SMARCA2: variants seen among roughly 807,000 people sequenced by gnomAD.
SMARCA2 encodes SWI/SNF-related matrix-associated actin-dependent regulator of chromatin subfamily A member 2.
A neutral mutation model predicts 199.8 loss-of-function variants in SMARCA2; 61 were observed. The ratio of observed to expected loss-of-function variants is 0.31; its 90% CI spans 0.25 to 0.38. The LOEUF is 0.38. SMARCA2 is among the 10% of genes least tolerant of loss of function. The probability of loss-of-function intolerance (pLI) is 1.00; values close to 1 mark genes in which losing one functional copy is unlikely to be tolerated. For synonymous variants in SMARCA2, 935 were observed against 732.0 expected, an observed-to-expected ratio of 1.28 and a Z score of -4.48; for missense variants, 1,344 against 2,012.2, an observed-to-expected ratio of 0.67 and a Z score of 6.35.
At chr9:2,059,091 A>G (rs1408973275) in intron 8 of SMARCA2, among the ~76,000 whole-genome samples, 1 of 152,184 alleles carries the variant, frequency 6.6e-6, no homozygotes, top group Non-Finnish European at 1.5e-5. Flanking sequence ...GGTTTATATC[A>G]TTGGCCTGAG....
At chr9:2,076,786 A>C (rs1053610387) in intron 13 of SMARCA2, among the ~76,000 whole-genome samples, 1 of 151,904 alleles carries the variant, frequency 6.6e-6, no homozygotes, top group East Asian at 1.9e-4. Flanking sequence ...AGCCAAGTTG[A>C]CCACCAACTC....
intron 27 of SMARCA2, among the ~76,000 whole-genome samples, chr9:2,139,212 G>A (rs892149881): frequency 6.6e-6 from 1 of 152,218 alleles, no homozygotes; most frequent in African/African-American, 2.4e-5. Flanking sequence ...TTGCGGTAAA[G>A]AAAGAGTTTA....
intron 9 of SMARCA2, among the ~76,000 whole-genome samples, chr9:2,068,406 C>T (rs564965536): frequency 2.8e-4 from 43 of 152,260 alleles, no homozygotes; most frequent in African/African-American, 8.9e-4. Context: ...CTTTGGCATA[C>T]ATACATACAT....
chr9:2,138,471 G>A (rs1824312796), intron 27 of SMARCA2, among the ~76,000 whole-genome samples: 1 of 152,194 alleles, frequency 6.6e-6, no homozygotes, highest in African/African-American at 2.4e-5. Context: ...ATATCATGCT[G>A]TTTTGAAGAA....
At chr9:2,096,242 C>T (rs998897320) in intron 19 of SMARCA2, among the ~76,000 whole-genome samples, 3 of 152,278 alleles carry the variant, frequency 2.0e-5, no homozygotes, top group East Asian at 1.9e-4. Flanking sequence ...AAGAAAATCA[C>T]AGGATATTTG....
chr9:2,181,492 A>G, intron 29 of SMARCA2, 79 bp from the exon 30 acceptor site: 1 of 771,010 alleles, frequency 1.3e-6, no homozygotes, highest in East Asian at 2.5e-5. Flanking sequence ...CTTTGTTGAC[A>G]TGTTCTGAAA....
chr9:2,179,703 C>T (rs1011673208), intron 29 of SMARCA2, among the ~76,000 whole-genome samples: 3 of 152,132 alleles, frequency 2.0e-5, no homozygotes, highest in African/African-American at 7.2e-5. Context: ...GTGTCCATCA[C>T]AGGTGTACAG....
At chr9:2,077,196 C>G (rs1348329001) in intron 13 of SMARCA2, among the ~76,000 whole-genome samples, 1 of 152,156 alleles carries the variant, frequency 6.6e-6, no homozygotes, top group Non-Finnish European at 1.5e-5. Flanking sequence ...GCCCTCTCCC[C>G]CTGCCCTCCC....
At chr9:2,036,436 A>G (rs1254421306) in intron 3 of SMARCA2, among the ~76,000 whole-genome samples, 2 of 152,196 alleles carry the variant, frequency 1.3e-5, no homozygotes, top group East Asian at 1.9e-4. Context: ...CTACAGACCA[A>G]TGTATATTCA....
At chr9:2,138,896 G>A (rs1017093148) in intron 27 of SMARCA2, among the ~76,000 whole-genome samples, 1 of 152,142 alleles carries the variant, frequency 6.6e-6, no homozygotes, top group African/African-American at 2.4e-5. Flanking sequence ...ACTCAGAGGG[G>A]TGTGGGTGAG....
At chr9:2,150,679 C>T (rs1342642092) in intron 27 of SMARCA2, among the ~76,000 whole-genome samples, 2 of 151,534 alleles carry the variant, frequency 1.3e-5, no homozygotes, top group African/African-American at 4.8e-5. Context: ...ATTTTAGTTA[C>T]CCTATGTAAT....
intron 24 of SMARCA2, among the ~76,000 whole-genome samples, chr9:2,114,666 G>A (rs1426316792): frequency 6.6e-6 from 1 of 152,134 alleles, no homozygotes; most frequent in Non-Finnish European, 1.5e-5. Context: ...ATAAAATTAG[G>A]TAATTCTGTT....
chr9:2,083,459 A>G lies in SMARCA2; in HGVS notation c.2415+46A>G, dbSNP rs373343508. 2.2e-5 allele frequency: 27 copies of G among 1,251,886 alleles called. No individual in the cohort carries two copies. In the African/African-American group the frequency reaches 3.5e-4, roughly 16 times the overall value. The allele number at this position is 1,251,886 out of a possible 1,614,324, so 77.5% of individuals were successfully genotyped here. A position where few individuals can be genotyped will look rare whatever the true frequency, so the allele number is the denominator to read the frequency against. On this transcript the variant is annotated intron_variant, in intron 16 of 33. Transcript: ENST00000349721. ...ATATAAATGTGGAAAAGCAAAAAAT[A>G]GACCCTATTTTCTTCATTCCATATG...
intron 27 of SMARCA2, among the ~76,000 whole-genome samples, chr9:2,124,583 C>T (rs3829071): frequency 6.6e-6 from 1 of 152,004 alleles, no homozygotes; most frequent in Non-Finnish European, 1.5e-5. Flanking sequence ...GCTCGATTTC[C>T]GCTTGATCTG....
At chr9:2,049,782 A>C (rs1820037679) in intron 5 of SMARCA2, among the ~76,000 whole-genome samples, 2 of 152,238 alleles carry the variant, frequency 1.3e-5, no homozygotes, top group African/African-American at 4.8e-5. Context: ...TCCCTTAGGC[A>C]CTTGCAAAAG....
chr9:2,120,800 A>C (rs1823425620), intron 26 of SMARCA2, among the ~76,000 whole-genome samples: 1 of 152,206 alleles, frequency 6.6e-6, no homozygotes, highest in South Asian at 2.1e-4. Flanking sequence ...ACCCTTCCCA[A>C]GTAAAGCTAT....
chr9:2,146,847 C>CTGTTGCTTTATTT (rs1824773953), intron 27 of SMARCA2, among the ~76,000 whole-genome samples: 1 of 152,148 alleles, frequency 6.6e-6, no homozygotes, highest in East Asian at 1.9e-4. Flanking sequence ...TCACTCTCAT[C>CTGTTGCTTTATTT]ACCATCTTGG....
intron 1 of SMARCA2, among the ~76,000 whole-genome samples, chr9:2,021,376 A>T (rs187732821): frequency 1.3e-5 from 2 of 152,362 alleles, no homozygotes; most frequent in Admixed American, 1.3e-4. Flanking sequence ...CTAACCAAAA[A>T]GGAACGTCAT....
chr9:2,116,772 A>G (rs1823233411), intron 25 of SMARCA2, among the ~76,000 whole-genome samples: 1 of 152,250 alleles, frequency 6.6e-6, no homozygotes, highest in Non-Finnish European at 1.5e-5. Flanking sequence ...TTTTAAACGT[A>G]TGTATATAGT....
Sources: gnomAD v4.1 joint callset for allele counts (sites outside exome capture counted in the v4.1 genomes callset) on GRCh38, gnomAD v4.1.1 for gene constraint, MANE v1.5 for transcripts, NCBI Gene and HGNC (gene_info 2026-07-23, HGNC 2026-07-21) for gene names.